Variants in ABCC9 observed in about 807,000 individuals in gnomAD.
The protein encoded by ABCC9 is ATP binding cassette subfamily C member 9, also known as ATP-binding cassette sub-family C member 9.
ABCC9 carries 95 observed loss-of-function variants against 188.3 expected under a neutral mutation model. The observed-to-expected ratio is 0.50, with a 90% CI of 0.43 to 0.60. The LOEUF is 0.60. Ranked by LOEUF, ABCC9 falls within the 20% of genes least tolerant of loss-of-function variation. The pLI is 0.00. For missense variants in ABCC9, 1,102 were observed against 1,876.3 expected (o/e 0.59, Z 7.62); for synonymous variants, 659 against 652.7 (o/e 1.01, Z -0.15).
intron 5 of ABCC9, 117 bp from the exon 6 acceptor site, chr12:21,917,220 C>T (rs1026499183): frequency 3.8e-6 from 4 of 1,064,432 alleles, no homozygotes; most frequent in African/African-American, 1.6e-5. Flanking sequence ...TATATTTCCA[C>T]ATGGTTTTAC....
intron 11 of ABCC9, among the ~76,000 whole-genome samples, chr12:21,906,508 CAT>C (rs1377794883): frequency 6.6e-6 from 1 of 152,056 alleles, no homozygotes; most frequent in Non-Finnish European, 1.5e-5. Context: ...CACCTAAAAA[CAT>C]GTATGTCTCT....
intron 5 of ABCC9, 56 bp from the exon 6 acceptor site, chr12:21,917,159 C>T: frequency 1.9e-6 from 3 of 1,545,774 alleles, no homozygotes; most frequent in Non-Finnish European, 2.7e-6. Context: ...ACATCACTAG[C>T]ATTTGAATGT....
chr12:21,925,787 TGG>T (rs1317154839), intron 5 of ABCC9, among the ~76,000 whole-genome samples, 153 bp downstream of exon 5: 1 of 152,106 alleles, frequency 6.6e-6, no homozygotes, highest in East Asian at 1.9e-4. Flanking sequence ...CCACATTTAC[TGG>T]GCAGCTACAG....
At chr12:21,936,036 C>A (rs562504447) in intron 3 of ABCC9, among the ~76,000 whole-genome samples, 36 of 152,224 alleles carry the variant, frequency 2.4e-4, no homozygotes, top group African/African-American at 8.4e-4. Context: ...TCTTCCAGTT[C>A]CCCAGACATG....
chr12:21,818,101 C>T (rs1437187022), intron 32 of ABCC9, 49 bp downstream of exon 32: 6 of 1,199,276 alleles, frequency 5.0e-6, no homozygotes, highest in Middle Eastern at 2.1e-4. Context: ...TGAGTGAGAA[C>T]ATGCGGTGTT....
intron 30 of ABCC9, among the ~76,000 whole-genome samples, chr12:21,830,250 CACA>C (rs1246441101): frequency 1.4e-4 from 21 of 152,168 alleles, no homozygotes; most frequent in Non-Finnish European, 8.8e-5. Context: ...TTCTCTAAAT[CACA>C]ACAATAGTCT....
chr12:21,869,372 G>A (rs1945947649), intron 18 of ABCC9, among the ~76,000 whole-genome samples: 1 of 152,144 alleles, frequency 6.6e-6, no homozygotes, highest in Non-Finnish European at 1.5e-5. Flanking sequence ...TTAGTGAAAT[G>A]AACTCTTAAA....
chr12:21,826,503 G>T (rs2137255671), intron 31 of ABCC9, among the ~76,000 whole-genome samples: 1 of 152,248 alleles, frequency 6.6e-6, no homozygotes, highest in South Asian at 2.1e-4. Flanking sequence ...CCCAGGAGAA[G>T]TCATTTACCT....
chr12:21,906,998 A>G (rs932761216), intron 11 of ABCC9, among the ~76,000 whole-genome samples: 2 of 152,126 alleles, frequency 1.3e-5, no homozygotes, highest in African/African-American at 4.8e-5. Context: ...ACAAGGTAAT[A>G]TATGACTAAT....
intron 29 of ABCC9, among the ~76,000 whole-genome samples, 181 bp downstream of exon 29, chr12:21,842,133 G>A (rs748231349): frequency 3.9e-5 from 6 of 152,104 alleles, no homozygotes. Context: ...ATCACACATC[G>A]CTTCATCAGT....
intron 2 of ABCC9, among the ~76,000 whole-genome samples, chr12:21,939,516 G>A (rs1014603821): frequency 2.0e-5 from 3 of 152,160 alleles, no homozygotes; most frequent in African/African-American, 7.2e-5. Flanking sequence ...AGGTTCAATT[G>A]GGAATGTTTG....
chr12:21,924,766 TTTC>T (rs1477392356), intron 5 of ABCC9: 8 of 152,088 alleles, frequency 5.3e-5, no homozygotes, highest in Non-Finnish European at 1.0e-4. Flanking sequence ...TTGTTGGAAA[TTTC>T]TTTCTCTTTT....
At chr12:21,871,131 C>T (rs1202103838) in intron 18 of ABCC9, among the ~76,000 whole-genome samples, 1 of 152,134 alleles carries the variant, frequency 6.6e-6, no homozygotes, top group Non-Finnish European at 1.5e-5. Flanking sequence ...ACCCAAATAA[C>T]TTAATTATGG....
intron 12 of ABCC9, among the ~76,000 whole-genome samples, chr12:21,896,266 C>T (rs1367603128): frequency 6.6e-6 from 1 of 151,952 alleles, no homozygotes; most frequent in Non-Finnish European, 1.5e-5. Context: ...ATTATCCTTA[C>T]CACCGTACAT....
chr12:21,902,812 C>T (rs1320579779), intron 12 of ABCC9, among the ~76,000 whole-genome samples: 1 of 152,222 alleles, frequency 6.6e-6, no homozygotes, highest in East Asian at 1.9e-4. Flanking sequence ...GCCTACCAAC[C>T]AAAAACAGTC....
chr12:21,849,083 C>T (rs1241901344), intron 24 of ABCC9, among the ~76,000 whole-genome samples: 3 of 152,082 alleles, frequency 2.0e-5, no homozygotes, highest in Non-Finnish European at 4.4e-5. Context: ...AACCATTTCC[C>T]CTTTTCTGTG....
intron 14 of ABCC9, 168 bp from the exon 15 acceptor site, chr12:21,888,102 A>G (rs1186919429): frequency 1.6e-6 from 1 of 625,914 alleles, no homozygotes; most frequent in Admixed American, 2.4e-5. Flanking sequence ...AACATCCTAA[A>G]TTGCTGAGGA....
intron 5 of ABCC9, among the ~76,000 whole-genome samples, chr12:21,921,565 T>C (rs1046160317): frequency 3.3e-5 from 5 of 152,082 alleles, no homozygotes; most frequent in African/African-American, 9.7e-5. Flanking sequence ...GTGCAGAAGC[T>C]TTTTAACTTG....
chr12:21,875,330 AAAT>A (rs1192387419), intron 17 of ABCC9, among the ~76,000 whole-genome samples: 1 of 152,206 alleles, frequency 6.6e-6, no homozygotes, highest in African/African-American at 2.4e-5. Flanking sequence ...CGCAAACAGA[AAAT>A]AAGTTTCTCA....
Sources: gnomAD v4.1 joint callset for allele counts (sites outside exome capture counted in the v4.1 genomes callset) on GRCh38, gnomAD v4.1.1 for gene constraint, MANE v1.5 for transcripts, NCBI Gene and HGNC (gene_info 2026-07-23, HGNC 2026-07-21) for gene names.